Variants in SPRR2G observed in about 807,000 individuals in gnomAD.
SPRR2G encodes small proline-rich protein 2G.
In SPRR2G, 1 loss-of-function variant was observed where a neutral mutation model predicts 0.7. The ratio of observed to expected loss-of-function variants is 1.49; its 90% CI spans 0.53 to 7.06. SPRR2G has a LOEUF of 7.06. Ranked by LOEUF, SPRR2G falls within the 30% of genes most tolerant of loss-of-function variation. SPRR2G has a pLI of 0.14. For missense variants in SPRR2G, 96 were observed against 88.5 expected, an observed-to-expected ratio of 1.09 and a Z score of -0.34; for synonymous variants, 38 against 33.9, an observed-to-expected ratio of 1.12 and a Z score of -0.42.
chr1:153,149,856 G>A lies in SPRR2G; in HGVS notation c.*33C>T, dbSNP rs766775729. The A allele has an allele frequency of 1.9e-6, 3 of 1,612,380 alleles. No homozygotes were observed. The highest frequency in any genetic ancestry group is 2.2e-5 in the South Asian group (2 of 91,048). ...GGAGTAAGAAGAGCCACTGGATCTT[G>A]TTGTTTCATGGTCCTGATGAATTCT... On this transcript the variant is annotated 3_prime_UTR_variant, in exon 2 of 2. Transcript: ENST00000368748.
the SPRR2G span, among the ~76,000 whole-genome samples, chr1:153,175,228 C>T: frequency 2.0e-5 from 3 of 152,300 alleles, no homozygotes; most frequent in African/African-American, 7.2e-5. Flanking sequence ...AACTCCCAAT[C>T]CCCTATAAGC....
At chr1:153,153,174 G>A (rs1441588766), upstream of SPRR2G, among the ~76,000 whole-genome samples, 2 of 152,048 alleles carry the variant, frequency 1.3e-5, no homozygotes, top group African/African-American at 2.4e-5. Context: ...GTGGGGGAGA[G>A]ACTAACTTTT....
chr1:153,194,758 A>G, the SPRR2G span, among the ~76,000 whole-genome samples: 1 of 152,118 alleles, frequency 6.6e-6, no homozygotes. Flanking sequence ...CAGCCCTCTG[A>G]GTTTGGAGTA....
upstream of SPRR2G, among the ~76,000 whole-genome samples, chr1:153,152,424 T>C (rs1656491467): frequency 6.6e-6 from 1 of 152,146 alleles, no homozygotes; most frequent in Non-Finnish European, 1.5e-5. Context: ...AAGAATGCTG[T>C]GTTGTATCTG....
At chr1:153,197,735 G>A in the SPRR2G span, among the ~76,000 whole-genome samples, 3 of 152,140 alleles carry the variant, frequency 2.0e-5, no homozygotes, top group African/African-American at 4.8e-5. Context: ...CAGGGTGGGG[G>A]TCCAGAGCAG....
At chr1:153,198,374 G>A in the SPRR2G span, among the ~76,000 whole-genome samples, 5 of 152,012 alleles carry the variant, frequency 3.3e-5, no homozygotes, top group Non-Finnish European at 7.4e-5. Context: ...AATTCACTTC[G>A]GCAATGCTGT....
chr1:153,202,259 C>A, the SPRR2G span, among the ~76,000 whole-genome samples: 3 of 152,316 alleles, frequency 2.0e-5, no homozygotes, highest in South Asian at 6.2e-4. Context: ...CATGAGGTAG[C>A]ATGAAGAGAT....
At chr1:153,161,092 G>A in the SPRR2G span, among the ~76,000 whole-genome samples, 2 of 133,968 alleles carry the variant, frequency 1.5e-5, no homozygotes, top group African/African-American at 5.5e-5. Flanking sequence ...GGCCTGTTGT[G>A]GGGTGGGGGG....
chr1:153,153,554 C>T (rs1369353375), upstream of SPRR2G, among the ~76,000 whole-genome samples: 1 of 152,110 alleles, frequency 6.6e-6, no homozygotes, highest in Non-Finnish European at 1.5e-5. Flanking sequence ...TCCCAAAGTT[C>T]CTGATTTGCC....
chr1:153,174,448 C>T, the SPRR2G span: 1 of 152,338 alleles, frequency 6.6e-6, no homozygotes, highest in East Asian at 1.9e-4. Context: ...GTTCTACTGC[C>T]ACAGCGACTG....
chr1:153,165,204 G>A, the SPRR2G span, among the ~76,000 whole-genome samples: 2 of 151,868 alleles, frequency 1.3e-5, no homozygotes, highest in Non-Finnish European at 2.9e-5. Context: ...ATGGATGGAC[G>A]GACGGATGGA....
upstream of SPRR2G, among the ~76,000 whole-genome samples, chr1:153,154,558 A>G (rs116196300): frequency 1.3e-5 from 2 of 151,982 alleles, no homozygotes; most frequent in South Asian, 2.1e-4. Context: ...CAGATTTTCT[A>G]TTTCTTCATG....
the SPRR2G span, among the ~76,000 whole-genome samples, chr1:153,184,707 C>T: frequency 6.6e-6 from 1 of 152,170 alleles, no homozygotes; most frequent in Non-Finnish European, 1.5e-5. Context: ...CTTTCTCTTG[C>T]ATGATTGCCC....
At chr1:153,169,571 A>AT in the SPRR2G span, among the ~76,000 whole-genome samples, 1 of 151,494 alleles carries the variant, frequency 6.6e-6, no homozygotes, top group African/African-American at 2.4e-5. Flanking sequence ...TCTCAAAAAA[A>AT]AAAAAAGCCA....
the SPRR2G span, among the ~76,000 whole-genome samples, chr1:153,187,282 C>A: frequency 4.9e-3 from 753 of 152,266 alleles, 5 homozygotes; most frequent in African/African-American, 0.017. Context: ...TCGATAACAT[C>A]CTGAAGTGTG....
the SPRR2G span, among the ~76,000 whole-genome samples, chr1:153,186,718 T>G: frequency 6.6e-6 from 1 of 152,228 alleles, no homozygotes; most frequent in Non-Finnish European, 1.5e-5. Context: ...AATATTGTTA[T>G]GTGTGAATTT....
At chr1:153,174,292 TCTGA>T in the SPRR2G span, among the ~76,000 whole-genome samples, 1 of 152,200 alleles carries the variant, frequency 6.6e-6, no homozygotes, top group Non-Finnish European at 1.5e-5. Flanking sequence ...AAAAGCTCAC[TCTGA>T]CTGATTAAAC....
chr1:153,193,740 A>T, the SPRR2G span, among the ~76,000 whole-genome samples: 2 of 152,174 alleles, frequency 1.3e-5, no homozygotes, highest in African/African-American at 4.8e-5. Context: ...GTCTCCTCTC[A>T]GACACCAGGA....
the SPRR2G span, among the ~76,000 whole-genome samples, chr1:153,175,895 A>G: frequency 6.6e-6 from 1 of 152,110 alleles, no homozygotes; most frequent in Non-Finnish European, 1.5e-5. Context: ...CGTCTCTACT[A>G]AAAATACAAA....
Sources: gnomAD v4.1 joint callset for allele counts (sites outside exome capture counted in the v4.1 genomes callset) on GRCh38, gnomAD v4.1.1 for gene constraint, MANE v1.5 for transcripts, NCBI Gene and HGNC (gene_info 2026-07-23, HGNC 2026-07-21) for gene names.